The following POU3F3 variants were observed in gnomAD, a reference collection of about 807,000 sequenced individuals.
The protein encoded by POU3F3 is POU domain, class 3, transcription factor 3.
A neutral mutation model predicts 8.6 loss-of-function variants in POU3F3; 1 was observed. That is an observed-to-expected ratio of 0.12 (90% CI 0.04 to 0.55). The LOEUF (loss-of-function observed/expected upper bound fraction) is 0.55. Among genes scored for constraint, POU3F3 ranks in the 20% least tolerant of loss-of-function variants. POU3F3 has a pLI of 0.91. For missense variants in POU3F3, 577 were observed against 690.7 expected (o/e 0.84, Z 1.84); for synonymous variants, 418 against 327.4 (o/e 1.28, Z -2.99).
chr2:104,881,121 A>ACTTTCTTTCTTTCTTTCTTTGTTTCTTT, the POU3F3 span, among the ~76,000 whole-genome samples: 1 of 142,064 alleles, frequency 7.0e-6, no homozygotes, highest in Non-Finnish European at 1.5e-5. Flanking sequence ...TTTATTTCTT[A>ACTTTCTTTCTTTCTTTCTTTGTTTCTTT]CTTTCTTTCT....
chr2:104,881,811 A>G, the POU3F3 span, among the ~76,000 whole-genome samples: 1 of 152,208 alleles, frequency 6.6e-6, no homozygotes. Context: ...CTGGTGCTGC[A>G]TGAACACGTA....
At chr2:104,873,552 C>G in the POU3F3 span, among the ~76,000 whole-genome samples, 1 of 152,322 alleles carries the variant, frequency 6.6e-6, no homozygotes, top group African/African-American at 2.4e-5. Context: ...CACACTCATA[C>G]TCACACCCCA....
the POU3F3 span, among the ~76,000 whole-genome samples, chr2:104,901,463 G>A: frequency 7.2e-5 from 11 of 152,274 alleles, no homozygotes; most frequent in East Asian, 1.4e-3. Flanking sequence ...ATCTCTAGGC[G>A]CACTGCCAAC....
the POU3F3 span, among the ~76,000 whole-genome samples, chr2:104,887,937 T>G: frequency 6.6e-6 from 1 of 152,216 alleles, no homozygotes; most frequent in African/African-American, 2.4e-5. Flanking sequence ...TGAATAACAA[T>G]TAGGAGCAGT....
chr2:104,856,164 G>T lies in POU3F3; in HGVS notation c.654G>T (p.Gln218His). 4 of 1,258,842 alleles carry T rather than the reference G, an allele frequency of 3.2e-6. No homozygotes were observed. Among genetic ancestry groups the T allele is most frequent in the Non-Finnish European group, 4.0e-6 (4 of 1,002,634 alleles). 78.0% of individuals were successfully genotyped at this position (1,258,842 alleles called of 1,614,324 possible). A position where few individuals can be genotyped will look rare whatever the true frequency, so the allele number is the denominator to read the frequency against. ...CCGGGGGCCAGCAGCCGCCGCCGCA[G>T]AGTCTGCTCTACTCGCAGCCCGGAG... ...SMAGGQQPPPQSLLYSQPGGF... is the reference protein window; with the variant it reads ...SMAGGQQPPPHSLLYSQPGGF... Residue 218 changes from glutamine (Q) to histidine (H), a missense_variant, in exon 1 of 1, where the codon CAG (glutamine) becomes CAT (histidine). By Grantham distance (24) the Gln-to-His change is conservative. Around this residue, in one of 7 missense-constraint regions of POU3F3, gnomAD observed 484 missense variants for 422.6 expected, o/e 1.15. Coordinates refer to ENST00000361360, the MANE Select transcript of POU3F3 (RefSeq NM_006236.3).
chr2:104,900,298 A>G, the POU3F3 span, among the ~76,000 whole-genome samples: 8 of 152,342 alleles, frequency 5.3e-5, no homozygotes, highest in Non-Finnish European at 2.9e-5. Context: ...CTTACACATC[A>G]AGTGAGGGCG....
downstream of POU3F3, among the ~76,000 whole-genome samples, chr2:104,862,438 C>T (rs977397560): frequency 3.3e-5 from 5 of 152,112 alleles, no homozygotes; most frequent in African/African-American, 7.2e-5. Context: ...GTACAGGCGA[C>T]GGGGTCAGGT....
At chr2:104,875,724 G>GT in the POU3F3 span, among the ~76,000 whole-genome samples, 2 of 152,012 alleles carry the variant, frequency 1.3e-5, no homozygotes, top group Non-Finnish European at 2.9e-5. Flanking sequence ...GTTTTGTTTT[G>GT]TTTTGTTTTT....
chr2:104,855,612 TGGC>T lies in POU3F3; in HGVS notation c.120_122del (p.Gly43del), dbSNP rs1213851181. The T allele has an allele frequency of 6.3e-3, 3,547 of 567,264 alleles. No individual in the cohort carries two copies. Among genetic ancestry groups the T allele is most frequent in the East Asian group, 7.1e-3 (25 of 3,506 alleles). The allele number at this position is 567,264 out of a possible 1,614,324, so 35.1% of individuals were successfully genotyped here. On this transcript the variant is annotated inframe_deletion, in exon 1 of 1. Coordinates refer to ENST00000361360, the MANE Select transcript of POU3F3 (RefSeq NM_006236.3). The stretch of plus-strand genomic sequence containing the variant: ...CGGCAGGGGCTGGCGGCGGCGGGGG[TGGC>T]GGCGGCGGCGGCGGCGGGGGCGGCG...
chr2:104,912,673 G>A, the POU3F3 span, among the ~76,000 whole-genome samples: 40 of 152,242 alleles, frequency 2.6e-4, no homozygotes, highest in African/African-American at 7.9e-4. Context: ...CATTGAGCAC[G>A]ACCCAGGTCA....
chr2:104,861,825 C>G (rs1341368868), downstream of POU3F3, among the ~76,000 whole-genome samples: 7 of 152,208 alleles, frequency 4.6e-5, no homozygotes, highest in Non-Finnish European at 7.3e-5. Context: ...GTCATCTCAG[C>G]TCCTCAGGGC....
At chr2:104,859,404 G>A (rs1409604536), downstream of POU3F3, among the ~76,000 whole-genome samples, 1 of 152,180 alleles carries the variant, frequency 6.6e-6, no homozygotes, top group Non-Finnish European at 1.5e-5. Context: ...CAGGTTGTGA[G>A]TACTTAAGAC....
the POU3F3 span, among the ~76,000 whole-genome samples, chr2:104,902,075 C>T: frequency 6.6e-6 from 1 of 152,024 alleles, no homozygotes; most frequent in Non-Finnish European, 1.5e-5. Flanking sequence ...AGGCTCCCTC[C>T]CTCTTTCTCT....
chr2:104,855,841 G>T lies in POU3F3; in HGVS notation c.331G>T (p.Ala111Ser). Reference sequence around the variant, plus strand: ...CCACGCCGCCGCCGCCGCCGCCGCTGCCGCCGCCGCCGCCGTGGAGGCGAG... The same window carrying T: ...CCACGCCGCCGCCGCCGCCGCCGCTTCCGCCGCCGCCGCCGTGGAGGCGAG... Reference protein sequence around the residue: ...LPHAAAAAAAAAAAAVEASSP... With the variant: ...LPHAAAAAAASAAAAVEASSP... The change falls in exon 1 of 1, where the codon GCC (alanine) becomes TCC (serine). Residue 111 changes from alanine to serine, a missense_variant. Physicochemically the swap from Ala to Ser is moderately conservative, Grantham distance 99. Coordinates refer to ENST00000361360, the MANE Select transcript of POU3F3 (RefSeq NM_006236.3). The T allele has an allele frequency of 9.3e-7, 1 of 1,074,148 alleles. No individual in the cohort carries two copies. Among genetic ancestry groups the T allele is most frequent in the East Asian group, 7.4e-5 (1 of 13,514 alleles). 66.5% of individuals were successfully genotyped at this position (1,074,148 alleles called of 1,614,324 possible). A position where few individuals can be genotyped will look rare whatever the true frequency, so the allele number is the denominator to read the frequency against.
the POU3F3 span, among the ~76,000 whole-genome samples, chr2:104,890,680 T>A: frequency 1.3e-5 from 2 of 152,176 alleles, no homozygotes; most frequent in Non-Finnish European, 2.9e-5. Flanking sequence ...GGTCCTATCA[T>A]GTCAAACCTG....
the POU3F3 span, among the ~76,000 whole-genome samples, chr2:104,924,724 G>T: frequency 6.6e-6 from 1 of 152,090 alleles, no homozygotes; most frequent in African/African-American, 2.4e-5. Flanking sequence ...CTCTTTTTCT[G>T]AATTGATTTT....
chr2:104,856,232 G>C lies in POU3F3; in HGVS notation c.722G>C (p.Gly241Ala), dbSNP rs1160192690. The C allele has an allele frequency of 1.4e-5, 17 of 1,224,910 alleles. No homozygotes were observed. The Admixed American group carries it at 7.5e-4, about 54-fold the overall frequency. 75.9% of individuals were successfully genotyped at this position (1,224,910 alleles called of 1,614,324 possible). ...ATGCTGAGCGCGCCACCGGGGCCCGGCGGCGGCGGCGGCGGCGCGGGCGGT... is the reference window on the plus strand; with the variant it reads ...ATGCTGAGCGCGCCACCGGGGCCCGCCGGCGGCGGCGGCGGCGCGGGCGGT... ...NGMLSAPPGP[G>A]GGGGGAGGGA... The change falls in exon 1 of 1, where the codon GGC (glycine) becomes GCC (alanine). Residue 241 changes from glycine to alanine, a missense_variant. Physicochemically the swap from Gly to Ala is moderately conservative, Grantham distance 60 (BLOSUM62 0). Around this residue, in one of 7 missense-constraint regions of POU3F3, gnomAD observed 484 missense variants for 422.6 expected, o/e 1.15. Coordinates refer to ENST00000361360, the MANE Select transcript of POU3F3 (RefSeq NM_006236.3).
chr2:104,860,528 A>T (rs1676641324), downstream of POU3F3, among the ~76,000 whole-genome samples: 1 of 152,032 alleles, frequency 6.6e-6, no homozygotes, highest in African/African-American at 2.4e-5. Flanking sequence ...CCTCCATTTC[A>T]ATCCAACCCC....
Position 104,857,102 on chromosome 2 carries a change from CGCCGCCGCCGCCGCT to C in POU3F3, c.*101_*115del, listed in dbSNP as rs1183994868. 7.2e-6 allele frequency: 7 copies of C among 977,972 alleles called. No individual in the cohort carries two copies. The highest frequency in any genetic ancestry group is 1.1e-4 in the East Asian group (1 of 8,882). The allele number at this position is 977,972 out of a possible 1,614,324, so 60.6% of individuals were successfully genotyped here. On this transcript the variant is annotated 3_prime_UTR_variant, in exon 1 of 1. Coordinates refer to ENST00000361360, the MANE Select transcript of POU3F3 (RefSeq NM_006236.3). ...CCGCCGCCCCTGCCGCCGCCGCCGC[CGCCGCCGCCGCCGCT>C]GCCGCCGCCGCGCCGACCCTGCACC...
Sources: allele counts gnomAD v4.1 joint callset (sites outside exome capture counted in the v4.1 genomes callset), GRCh38; gene constraint gnomAD v4.1.1; regional missense constraint gnomAD v4.1.1; transcripts MANE v1.5; gene names NCBI Gene and HGNC (gene_info 2026-07-23, HGNC 2026-07-21).